PADI4: variants seen among roughly 807,000 people sequenced by gnomAD.
PADI4 encodes the protein protein-arginine deiminase type-4.
A neutral mutation model predicts 75.0 loss-of-function variants in PADI4; 62 were observed. The ratio of observed to expected loss-of-function variants is 0.83; its 90% confidence interval spans 0.67 to 1.02. The LOEUF (loss-of-function observed/expected upper bound fraction) is 1.02. Among genes scored for constraint, PADI4 ranks in the 50% least tolerant of loss-of-function variants. The pLI is 0.00. For synonymous variants in PADI4, 361 were observed against 348.1 expected (o/e 1.04, Z -0.41); for missense variants, 845 against 850.5 (o/e 0.99, Z 0.08).
chr1:17,341,031 C>A (rs968903606), intron 6 of PADI4, among the ~76,000 whole-genome samples: 1 of 151,364 alleles, frequency 6.6e-6, no homozygotes, highest in Non-Finnish European at 1.5e-5. Flanking sequence ...GAACTCCTGA[C>A]CTCAAATGAT....
intron 11 of PADI4, 67 bp downstream of exon 11, chr1:17,354,754 A>G (rs988168787): frequency 5.6e-5 from 81 of 1,441,682 alleles, no homozygotes; most frequent in Non-Finnish European, 7.3e-5. Flanking sequence ...CAGAGGCCAG[A>G]GTGGAAGCCT....
chr1:17,351,664 G>C (rs1025254028), intron 10 of PADI4, among the ~76,000 whole-genome samples: 1 of 151,862 alleles, frequency 6.6e-6, no homozygotes, highest in East Asian at 1.9e-4. Flanking sequence ...GGTCAGGGTG[G>C]GCTTCACGGA....
intron 3 of PADI4, 147 bp downstream of exon 3, chr1:17,334,156 TG>T: frequency 1.6e-6 from 1 of 631,654 alleles, no homozygotes; most frequent in Non-Finnish European, 2.9e-6. Context: ...GTCAGACATC[TG>T]GGAGTTCGAA....
chr1:17,318,992 T>C (rs2073989667), intron 1 of PADI4, among the ~76,000 whole-genome samples: 1 of 152,018 alleles, frequency 6.6e-6, no homozygotes, highest in Non-Finnish European at 1.5e-5. Context: ...CCAGCCTTTT[T>C]TTTTCCTTTT....
intron 1 of PADI4, among the ~76,000 whole-genome samples, chr1:17,310,968 G>A (rs574914852): frequency 8.5e-5 from 13 of 152,110 alleles, no homozygotes; most frequent in African/African-American, 2.9e-4. Context: ...GTGGTAGCAC[G>A]CAGCTATAGT....
intron 1 of PADI4, among the ~76,000 whole-genome samples, chr1:17,316,501 A>G (rs2073936704): frequency 6.6e-6 from 1 of 151,696 alleles, no homozygotes; most frequent in Non-Finnish European, 1.5e-5. Flanking sequence ...CATCCTGGCT[A>G]ACACAGTGAA....
In PADI4 at chr1:17,323,843, CA is replaced by C. The variant is rs1362146274; in HGVS notation, c.93-7123del. ...GATCTCACCTCAAAAAACAAGCAAA[CA>C]AACAACAACAACAACAAAAAAAACA... On this transcript the variant is annotated intron_variant, in intron 1 of 15. Transcript: ENST00000375448. Among the ~76,000 whole-genome samples, 349 of 135,970 alleles carry C rather than the reference CA, an allele frequency of 2.6e-3. 3 individuals carry two copies. The highest frequency in any genetic ancestry group is 8.9e-3 in the African/African-American group (334 of 37,372). 89.2% of individuals were successfully genotyped at this position (135,970 alleles called of 152,430 possible).
chr1:17,334,034 G>T, intron 3 of PADI4, 25 bp downstream of exon 3: 1 of 1,490,516 alleles, frequency 6.7e-7, no homozygotes, highest in Non-Finnish European at 9.4e-7. Context: ...GGATCCTAGA[G>T]TGCCGTCTCA....
chr1:17,325,038 G>A (rs565352853), intron 1 of PADI4, among the ~76,000 whole-genome samples: 2 of 152,322 alleles, frequency 1.3e-5, no homozygotes, highest in East Asian at 3.9e-4. Flanking sequence ...ATACCTGGTT[G>A]AGAAAGTGCC....
chr1:17,308,299 A>G lies in PADI4; in HGVS notation c.77A>G (p.Gln26Arg), dbSNP rs1378897693. Reference sequence around the variant, plus strand: ...GTGTGTGTGCTGGGCACCTTGACTCAGCTTGACATCTGCAGGTAAGAGGGG... The same window carrying G: ...GTGTGTGTGCTGGGCACCTTGACTCGGCTTGACATCTGCAGGTAAGAGGGG... ...HAVCVLGTLTQLDICSSAPED... is the reference protein window; with the variant it reads ...HAVCVLGTLTRLDICSSAPED... The change falls in exon 1 of 16, where the codon CAG (glutamine) becomes CGG (arginine). Residue 26 changes from glutamine to arginine, a missense_variant. Coordinates refer to ENST00000375448, the MANE Select transcript of PADI4 (RefSeq NM_012387.3). The G allele has an allele frequency of 1.2e-6, 2 of 1,613,846 alleles. No individual in the cohort carries two copies. Among genetic ancestry groups the G allele is most frequent in the South Asian group, 2.2e-5 (2 of 91,084 alleles).
intron 10 of PADI4, 52 bp downstream of exon 10, chr1:17,348,100 G>A (rs773556633): frequency 4.3e-6 from 5 of 1,169,604 alleles, no homozygotes; most frequent in African/African-American, 1.5e-5. Context: ...CTCTTGTCTT[G>A]AGACTCCCTC....
At chr1:17,313,462 C>T (rs545333323) in intron 1 of PADI4, among the ~76,000 whole-genome samples, 13 of 117,048 alleles carry the variant, frequency 1.1e-4, no homozygotes, top group Admixed American at 7.3e-4. Flanking sequence ...GATCATGCCA[C>T]GGTACTCCAG....
At chr1:17,361,053 C>T (rs1057146738) in intron 15 of PADI4, among the ~76,000 whole-genome samples, 3 of 152,128 alleles carry the variant, frequency 2.0e-5, no homozygotes, top group Non-Finnish European at 4.4e-5. Context: ...CCAGCCACCC[C>T]CTTCTTCTGG....
At chr1:17,332,494 C>T (rs1347279096) in intron 2 of PADI4, among the ~76,000 whole-genome samples, 2 of 152,212 alleles carry the variant, frequency 1.3e-5, no homozygotes, top group Admixed American at 6.5e-5. Flanking sequence ...AAGTGATCCA[C>T]TCACCTCGGC....
At position 17,341,993 on chromosome 1, in the gene PADI4, TCTCACTAC is replaced by T; in HGVS notation, c.706_713del (p.His236AspfsTer77). 1 of 1,614,024 alleles carries T rather than the reference TCTCACTAC, an allele frequency of 6.2e-7. No homozygotes were observed. Among genetic ancestry groups the T allele is most frequent in the Non-Finnish European group, 8.5e-7 (1 of 1,179,928 alleles). ...CGTAGTCTTGGGTCCCAAGTGGCCC[TCTCACTAC>T]CTGATGGTCCCCGGTGGAAAGCACA... On this transcript the variant is annotated frameshift_variant, in exon 7 of 16. Coordinates refer to ENST00000375448, the MANE Select transcript of PADI4 (RefSeq NM_012387.3). LOFTEE classifies it high-confidence loss of function.
intron 1 of PADI4, among the ~76,000 whole-genome samples, chr1:17,319,788 G>A (rs1014183259): frequency 1.3e-5 from 2 of 152,150 alleles, no homozygotes; most frequent in East Asian, 1.9e-4. Context: ...ACTACAGCTC[G>A]GCATCGGCCT....
chr1:17,330,015 A>G (rs553839992), intron 1 of PADI4, among the ~76,000 whole-genome samples: 10 of 152,350 alleles, frequency 6.6e-5, no homozygotes, highest in South Asian at 6.2e-4. Context: ...AAGGTCCTTC[A>G]GAGTACCTGG....
Position 17,356,133 on chromosome 1 carries a change from G to A in PADI4, c.1455+6G>A. The A allele has an allele frequency of 6.2e-7, 1 of 1,613,518 alleles. No individual in the cohort carries two copies. Among genetic ancestry groups the A allele is most frequent in the Non-Finnish European group, 8.5e-7 (1 of 1,179,590 alleles). On this transcript the variant is annotated splice_donor_region_variant and intron_variant, in intron 12 of 15. Transcript: ENST00000375448. This position sits in a 1 kb window ranked among gnomAD's most constrained non-coding sequence, Gnocchi z 4.1. ...TGCCAGCACCCGACAGGAAGGTACA[G>A]TCTTGGGGGCTGCCTCAGGAAGCCA...
intron 1 of PADI4, among the ~76,000 whole-genome samples, chr1:17,317,154 G>A (rs1557540229): frequency 6.6e-6 from 1 of 152,146 alleles, no homozygotes; most frequent in Non-Finnish European, 1.5e-5. Flanking sequence ...TCAAACTTAT[G>A]GACTCAAGCA....
Sources: gnomAD v4.1 joint callset for allele counts (sites outside exome capture counted in the v4.1 genomes callset) on GRCh38, gnomAD v4.1.1 for gene constraint, Gnocchi (gnomAD v3.1) non-coding constraint, MANE v1.5 for transcripts, NCBI Gene and HGNC (gene_info 2026-07-23, HGNC 2026-07-21) for gene names.